The following OSBPL9 variants were observed in gnomAD, a reference collection of about 807,000 sequenced individuals.
OSBPL9 encodes the protein oxysterol binding protein like 9.
Under a neutral mutation model 106.6 loss-of-function variants are expected in OSBPL9, and 40 were observed. The observed-to-expected ratio is 0.38, with a 90% CI of 0.29 to 0.49. The LOEUF is 0.49. Ranked by LOEUF, OSBPL9 falls within the 20% of genes least tolerant of loss-of-function variation. The probability of loss-of-function intolerance (pLI) is 0.97; values close to 1 mark genes in which losing one functional copy is unlikely to be tolerated. For missense variants in OSBPL9, 609 were observed against 887.2 expected, an observed-to-expected ratio of 0.69 and a Z score of 3.98; for synonymous variants, 269 against 295.4, an observed-to-expected ratio of 0.91 and a Z score of 0.92.
chr1:51,694,656 G>A (rs1049536268), intron 3 of OSBPL9, among the ~76,000 whole-genome samples: 8 of 152,138 alleles, frequency 5.3e-5, no homozygotes, highest in Admixed American at 2.0e-4. Context: ...AACATCATGC[G>A]TTGGTTATTT....
At chr1:51,704,848 T>A (rs1315772015) in intron 3 of OSBPL9, among the ~76,000 whole-genome samples, 2 of 152,200 alleles carry the variant, frequency 1.3e-5, no homozygotes, top group Non-Finnish European at 2.9e-5. Context: ...ATTCACTCCA[T>A]GGCACTGAGG....
intron 1 of OSBPL9, among the ~76,000 whole-genome samples, chr1:51,594,229 T>A (rs1645289087): frequency 6.6e-6 from 1 of 151,782 alleles, no homozygotes; most frequent in Non-Finnish European, 1.5e-5. Context: ...AAACCCTGTC[T>A]CTACTAAAAA....
the OSBPL9 span, among the ~76,000 whole-genome samples, chr1:51,559,832 TCTC>T: frequency 1.3e-5 from 2 of 151,534 alleles, no homozygotes; most frequent in South Asian, 4.2e-4. Context: ...TGTAGAAAGT[TCTC>T]CTTATGTATT....
chr1:51,543,962 A>G, the OSBPL9 span, among the ~76,000 whole-genome samples: 1 of 152,240 alleles, frequency 6.6e-6, no homozygotes, highest in Non-Finnish European at 1.5e-5. Context: ...GCTGGCTAGG[A>G]CAATACTTCC....
At chr1:51,770,497 C>G (rs1318206168) in intron 12 of OSBPL9, among the ~76,000 whole-genome samples, 1 of 152,112 alleles carries the variant, frequency 6.6e-6, no homozygotes, top group Admixed American at 6.5e-5. Context: ...AGGCTAGACT[C>G]AAACTCCTGG....
At chr1:51,730,090 G>A (rs1218204314) in intron 4 of OSBPL9, 3 of 1,260,610 alleles carry the variant, frequency 2.4e-6, no homozygotes, top group Non-Finnish European at 3.0e-6. Context: ...CGCGAATGTC[G>A]TGCTCACCCT....
intron 2 of OSBPL9, among the ~76,000 whole-genome samples, chr1:51,599,509 T>C (rs1324120544): frequency 2.0e-5 from 3 of 152,082 alleles, no homozygotes; most frequent in African/African-American, 7.2e-5. Context: ...ATTATATACA[T>C]ATTTATATTA....
chr1:51,786,749 G>T, intron 22 of OSBPL9, 132 bp downstream of exon 22: 2 of 651,296 alleles, frequency 3.1e-6, no homozygotes, highest in African/African-American at 1.9e-5. Context: ...TCCTGGGTTC[G>T]TATGTCAGAA....
intron 3 of OSBPL9, among the ~76,000 whole-genome samples, chr1:51,683,619 C>T (rs1238538537): frequency 2.0e-5 from 3 of 151,852 alleles, no homozygotes; most frequent in Non-Finnish European, 4.4e-5. Flanking sequence ...ATGACAAAAC[C>T]CTGTCTCTAC....
upstream of OSBPL9, chr1:51,617,050 A>G: frequency 1.8e-6 from 1 of 556,916 alleles, no homozygotes; most frequent in South Asian, 1.6e-5. Flanking sequence ...CGCCCCCCGC[A>G]TGCTGAATGC....
At chr1:51,607,005 G>C (rs1018589224) in intron 2 of OSBPL9, among the ~76,000 whole-genome samples, 3 of 150,674 alleles carry the variant, frequency 2.0e-5, no homozygotes, top group Non-Finnish European at 4.4e-5. Context: ...AGCCGAGATC[G>C]CGCCACTGCA....
At chr1:51,628,925 T>A (rs1311841554) in intron 1 of OSBPL9, among the ~76,000 whole-genome samples, 1 of 151,874 alleles carries the variant, frequency 6.6e-6, no homozygotes, top group Non-Finnish European at 1.5e-5. Context: ...TGATCCACCC[T>A]CCTCGGCCTC....
At chr1:51,765,729 T>C in intron 11 of OSBPL9, 93 bp from the exon 12 acceptor site, 4 of 1,227,362 alleles carry the variant, frequency 3.3e-6, no homozygotes, top group Non-Finnish European at 4.4e-6. Flanking sequence ...AACCAAACTC[T>C]TTTTTGATTT....
intron 4 of OSBPL9, among the ~76,000 whole-genome samples, chr1:51,743,601 A>G (rs1280699287): frequency 1.3e-5 from 2 of 152,164 alleles, no homozygotes; most frequent in African/African-American, 2.4e-5. Context: ...TTATTCATTT[A>G]TGAATATGCC....
chr1:51,607,153 CTTTTCT>C (rs1409115244), intron 2 of OSBPL9, among the ~76,000 whole-genome samples: 4 of 148,812 alleles, frequency 2.7e-5, no homozygotes, highest in African/African-American at 7.5e-5. Flanking sequence ...TTTTTCTTTT[CTTTTCT>C]TTTTCTTTTT....
the OSBPL9 span, among the ~76,000 whole-genome samples, chr1:51,533,522 GA>G: frequency 5.0e-4 from 73 of 146,892 alleles, no homozygotes; most frequent in Non-Finnish European, 8.1e-4. Flanking sequence ...AGAAAGAAAA[GA>G]AAAAAAAAGA....
chr1:51,533,308 C>A, the OSBPL9 span, among the ~76,000 whole-genome samples: 2 of 151,418 alleles, frequency 1.3e-5, no homozygotes, highest in East Asian at 3.9e-4. Flanking sequence ...ATGGTGAAAC[C>A]CCATCTCTAC....
At chr1:51,527,959 A>T in the OSBPL9 span, among the ~76,000 whole-genome samples, 1 of 1,046 alleles carries the variant, frequency 9.6e-4, no homozygotes, top group Non-Finnish European at 0.02. Context: ...CTAAAAATAC[A>T]AAAAAAAAAA....
chr1:51,668,105 G>A (rs1346717917), intron 2 of OSBPL9, among the ~76,000 whole-genome samples: 1 of 152,094 alleles, frequency 6.6e-6, no homozygotes, highest in Admixed American at 6.6e-5. Context: ...GTCCCCTTGA[G>A]TCATTTCAAC....
Sources: allele counts gnomAD v4.1 joint callset (sites outside exome capture counted in the v4.1 genomes callset), GRCh38; gene constraint gnomAD v4.1.1; transcripts MANE v1.5; gene names NCBI Gene and HGNC (gene_info 2026-07-23, HGNC 2026-07-21).